EBF1: variants seen among roughly 807,000 people sequenced by gnomAD.
EBF1 encodes the protein EBF transcription factor 1.
A neutral mutation model predicts 68.4 loss-of-function variants in EBF1; 10 were observed. The ratio of observed to expected loss-of-function variants is 0.15; its 90% CI spans 0.09 to 0.25. The LOEUF is 0.25. EBF1 is among the 10% of genes least tolerant of loss of function. EBF1 has a pLI of 1.00. For missense variants in EBF1, 509 were observed against 794.4 expected (o/e 0.64, Z 4.32); for synonymous variants, 298 against 299.8 (o/e 0.99, Z 0.06).
At chr5:158,763,475 G>A (rs1771958324) in intron 10 of EBF1, among the ~76,000 whole-genome samples, 2 of 152,126 alleles carry the variant, frequency 1.3e-5, no homozygotes, top group African/African-American at 4.8e-5. Context: ...GCTTTTCTGT[G>A]GGGCTTTGAT....
intron 6 of EBF1, among the ~76,000 whole-genome samples, chr5:158,890,454 A>T (rs543221933): frequency 4.6e-5 from 7 of 152,264 alleles, no homozygotes; most frequent in African/African-American, 1.7e-4. Context: ...GAGCTCCATT[A>T]ATCTTTTAAT....
intron 2 of EBF1, chr5:159,096,663 C>CCGGCCACCAGAGGCAGGCGGTG (rs1222283591): frequency 1.6e-6 from 1 of 606,984 alleles, no homozygotes; most frequent in Admixed American, 3.0e-5. Flanking sequence ...GGCTCGTGCC[C>CCGGCCACCAGAGGCAGGCGGTG]CGGCCACCAG....
intron 6 of EBF1, among the ~76,000 whole-genome samples, chr5:158,956,458 CAT>C (rs1817099419): frequency 6.6e-6 from 1 of 151,778 alleles, no homozygotes; most frequent in South Asian, 2.1e-4. Context: ...TGCACGCACA[CAT>C]AGACACACAC....
rs1033589592 is a variant in EBF1 at position 159,025,259 on chromosome 5, C to T, written c.554+48137G>A. On this transcript the variant is annotated intron_variant, in intron 6 of 15. Transcript: ENST00000313708. ...CAGGTGCTAAGCTACCCTGGCTCTG[C>T]TCTTCTTATATTTTACACAGTCTGA... 1.1e-4 allele frequency among the ~76,000 whole-genome samples: 16 copies of T among 152,266 alleles called. No individual in the cohort carries two copies. The East Asian group carries it at 3.1e-3, about 29-fold the overall frequency.
chr5:158,999,196 A>G (rs567147693), intron 6 of EBF1, among the ~76,000 whole-genome samples: 2 of 152,236 alleles, frequency 1.3e-5, no homozygotes, highest in African/African-American at 4.8e-5. Context: ...AACACTGGCA[A>G]TTCCTAAGAG....
chr5:158,984,788 A>C (rs1427454813), intron 6 of EBF1: 1 of 145,022 alleles, frequency 6.9e-6, no homozygotes, highest in Non-Finnish European at 1.5e-5. Flanking sequence ...CTGGGAAGCG[A>C]TTCTCCTGCC....
At position 158,702,061 on chromosome 5, in the gene EBF1, C is replaced by T. The variant is rs1756880219; in HGVS notation, c.1745-2919G>A. On this transcript the variant is annotated intron_variant, in intron 15 of 15. Coordinates refer to ENST00000313708, the MANE Select transcript of EBF1 (RefSeq NM_024007.5). The stretch of plus-strand genomic sequence containing the variant: ...CATGTAATATCAAAGCATTACTGTT[C>T]TCTAAATCCCAATCATGACTTCCTA... Among the ~76,000 whole-genome samples the T allele has an allele frequency of 2.0e-5, 3 of 152,160 alleles. No homozygotes were observed. The South Asian group carries it at 6.2e-4, about 32-fold the overall frequency.
intron 11 of EBF1, among the ~76,000 whole-genome samples, chr5:158,726,774 G>A (rs1040238139): frequency 1.3e-4 from 20 of 152,314 alleles, no homozygotes; most frequent in Non-Finnish European, 1.6e-4. Flanking sequence ...GGAGAAGTGG[G>A]AACTCAACAT....
chr5:158,965,937 T>C (rs1351929549), intron 6 of EBF1, among the ~76,000 whole-genome samples: 3 of 152,192 alleles, frequency 2.0e-5, no homozygotes, highest in African/African-American at 4.8e-5. Flanking sequence ...AATATGATAA[T>C]CTACATCCTA....
At chr5:158,878,438 A>C (rs370496016) in intron 6 of EBF1, among the ~76,000 whole-genome samples, 65 of 152,252 alleles carry the variant, frequency 4.3e-4, no homozygotes, top group African/African-American at 1.3e-3. Context: ...TAACAAGAGG[A>C]AATATTTACT....
At chr5:158,790,455 C>T (rs1778374153) in intron 9 of EBF1, among the ~76,000 whole-genome samples, 2 of 152,068 alleles carry the variant, frequency 1.3e-5, no homozygotes, top group Admixed American at 1.3e-4. Flanking sequence ...AATCAAAATG[C>T]ACTTCAGCCA....
intron 6 of EBF1, among the ~76,000 whole-genome samples, chr5:158,928,806 A>G (rs1012625457): frequency 6.6e-6 from 1 of 152,248 alleles, no homozygotes; most frequent in Non-Finnish European, 1.5e-5. Flanking sequence ...AAAAGAAATC[A>G]GCTATTATGA....
intron 10 of EBF1, among the ~76,000 whole-genome samples, chr5:158,775,626 C>G (rs778108177): frequency 6.6e-6 from 1 of 151,908 alleles, no homozygotes; most frequent in African/African-American, 2.4e-5. Flanking sequence ...TCCAGAACAC[C>G]GAGTTCAGTG....
At chr5:158,741,383 TG>T (rs1471208908) in intron 10 of EBF1, among the ~76,000 whole-genome samples, 7 of 152,092 alleles carry the variant, frequency 4.6e-5, no homozygotes, top group Non-Finnish European at 1.0e-4. Flanking sequence ...GAAACCAGCC[TG>T]GTCAATATAG....
chr5:158,753,598 G>C (rs1334625167), intron 10 of EBF1, among the ~76,000 whole-genome samples: 1 of 152,012 alleles, frequency 6.6e-6, no homozygotes, highest in Non-Finnish European at 1.5e-5. Flanking sequence ...CAATCAACCA[G>C]ATATTTTTTC....
At chr5:159,071,113 C>T (rs537842174) in intron 6 of EBF1, among the ~76,000 whole-genome samples, 24 of 152,152 alleles carry the variant, frequency 1.6e-4, no homozygotes, top group Non-Finnish European at 3.1e-4. Flanking sequence ...CTTTTAAAAC[C>T]TTTGGCAGCC....
At chr5:159,006,494 T>C (rs1763567404) in intron 6 of EBF1, among the ~76,000 whole-genome samples, 1 of 151,954 alleles carries the variant, frequency 6.6e-6, no homozygotes, top group Non-Finnish European at 1.5e-5. Flanking sequence ...TTAGTGAGTG[T>C]GGCACTTTTA....
At chr5:158,922,428 T>C (rs554385154) in intron 6 of EBF1, among the ~76,000 whole-genome samples, 2 of 152,166 alleles carry the variant, frequency 1.3e-5, no homozygotes, top group African/African-American at 2.4e-5. Context: ...AGGAAAACAA[T>C]AGTTCTTCCA....
At chr5:158,802,488 G>C (rs1437355016) in intron 8 of EBF1, among the ~76,000 whole-genome samples, 2 of 152,082 alleles carry the variant, frequency 1.3e-5, no homozygotes, top group African/African-American at 4.8e-5. Context: ...TCCTTTTCCA[G>C]AATTCTATTA....
Sources: gnomAD v4.1 joint callset for allele counts (sites outside exome capture counted in the v4.1 genomes callset) on GRCh38, gnomAD v4.1.1 for gene constraint, MANE v1.5 for transcripts, NCBI Gene and HGNC (gene_info 2026-07-23, HGNC 2026-07-21) for gene names.